MKNK1: variants seen among roughly 807,000 people sequenced by gnomAD.
MKNK1 encodes the protein MAPK interacting serine/threonine kinase 1, also known as MAP kinase-interacting serine/threonine-protein kinase 1.
A neutral mutation model predicts 49.3 loss-of-function variants in MKNK1; 30 were observed. That is an observed-to-expected ratio of 0.61 (90% CI 0.46 to 0.83). The LOEUF (loss-of-function observed/expected upper bound fraction) is 0.83, where lower values mean the gene tolerates loss of function less well. Among genes scored for constraint, MKNK1 ranks in the 40% least tolerant of loss-of-function variants. The pLI, the probability that MKNK1 is intolerant of heterozygous loss-of-function variation, is 0.00. For synonymous variants in MKNK1, 176 were observed against 201.7 expected, an observed-to-expected ratio of 0.87 and a Z score of 1.08; for missense variants, 423 against 524.7, an observed-to-expected ratio of 0.81 and a Z score of 1.89.
At chr1:46,598,452 G>A (rs1386257233) in intron 1 of MKNK1, among the ~76,000 whole-genome samples, 1 of 152,120 alleles carries the variant, frequency 6.6e-6, no homozygotes, top group Non-Finnish European at 1.5e-5. Context: ...CAGGGCAATG[G>A]AAAGAAAGAG....
At chr1:46,573,150 G>A (rs902928136) in intron 6 of MKNK1, among the ~76,000 whole-genome samples, 3 of 152,204 alleles carry the variant, frequency 2.0e-5, no homozygotes, top group Non-Finnish European at 4.4e-5. Flanking sequence ...TGAGCAACTT[G>A]CCCAAGATTA....
chr1:46,598,947 T>C (rs1212216209), intron 1 of MKNK1, among the ~76,000 whole-genome samples: 1 of 152,186 alleles, frequency 6.6e-6, no homozygotes, highest in Non-Finnish European at 1.5e-5. Context: ...ATTATCAGCA[T>C]CTATAAAATG....
At chr1:46,597,963 A>C (rs549661951) in intron 1 of MKNK1, among the ~76,000 whole-genome samples, 13 of 152,378 alleles carry the variant, frequency 8.5e-5, no homozygotes, top group Admixed American at 4.6e-4. Flanking sequence ...GAGGTTAAAG[A>C]GACCAAGGCT....
At chr1:46,586,780 G>A (rs1672634641) in intron 2 of MKNK1, among the ~76,000 whole-genome samples, 1 of 152,050 alleles carries the variant, frequency 6.6e-6, no homozygotes, top group Admixed American at 6.5e-5. Flanking sequence ...TTCGAAAAAG[G>A]GTCTAGGACA....
intron 10 of MKNK1, among the ~76,000 whole-genome samples, chr1:46,562,395 C>CAAA (rs66491559): frequency 2.3e-4 from 8 of 34,352 alleles, no homozygotes; most frequent in Admixed American, 7.8e-4. Context: ...GACTCCATCT[C>CAAA]AAAAAAAAAA....
chr1:46,562,563 C>T, intron 10 of MKNK1, 86 bp downstream of exon 10: 4 of 1,425,450 alleles, frequency 2.8e-6, no homozygotes, highest in Non-Finnish European at 3.7e-6. Context: ...ATCAGGAACG[C>T]TCTCCCAGCC....
At chr1:46,560,353 T>C in intron 11 of MKNK1, 76 bp from the exon 12 acceptor site, 1 of 1,500,086 alleles carries the variant, frequency 6.7e-7, no homozygotes, top group Non-Finnish European at 9.3e-7. Flanking sequence ...AAGCCAGCAG[T>C]GGGTAGGTTA....
At position 46,558,514 on chromosome 1, in the gene MKNK1, C is replaced by G. The variant is rs1423882932; in HGVS notation, c.*61G>C. Reference sequence around the variant, plus strand: ...GCCTGCTCAGCAGACTTTAGCCACACAGGTTTCCAGGGGACAATGCCTGGC... The same window carrying G: ...GCCTGCTCAGCAGACTTTAGCCACAGAGGTTTCCAGGGGACAATGCCTGGC... On this transcript the variant is annotated 3_prime_UTR_variant, in exon 13 of 13. Coordinates refer to ENST00000371945, the MANE Select transcript of MKNK1 (RefSeq NM_001135553.4). 6 of 1,482,144 alleles carry G rather than the reference C, an allele frequency of 4.0e-6. No individual in the cohort carries two copies. In the African/African-American group the frequency reaches 5.6e-5, roughly 14 times the overall value. The allele number at this position is 1,482,144 out of a possible 1,614,324, so 91.8% of individuals were successfully genotyped here.
chr1:46,579,446 C>A (rs1671440873), intron 4 of MKNK1, among the ~76,000 whole-genome samples: 1 of 152,206 alleles, frequency 6.6e-6, no homozygotes, highest in Non-Finnish European at 1.5e-5. Flanking sequence ...CAGACCCTAT[C>A]CTACATCTGG....
intron 2 of MKNK1, among the ~76,000 whole-genome samples, chr1:46,588,732 C>A (rs966194844): frequency 1.3e-5 from 2 of 148,750 alleles, no homozygotes; most frequent in Non-Finnish European, 3.0e-5. Flanking sequence ...GCGTAAACCC[C>A]GGGGGGCGGA....
At chr1:46,580,936 T>C (rs1671638353) in intron 3 of MKNK1, among the ~76,000 whole-genome samples, 2 of 152,068 alleles carry the variant, frequency 1.3e-5, no homozygotes, top group African/African-American at 4.8e-5. Flanking sequence ...AGGAATAAAA[T>C]AAAGGCCAGG....
At chr1:46,590,198 AG>A (rs1313912928) in intron 2 of MKNK1, among the ~76,000 whole-genome samples, 1 of 152,208 alleles carries the variant, frequency 6.6e-6, no homozygotes, top group East Asian at 1.9e-4. Context: ...TCAGGAACTG[AG>A]GGACTGAAAG....
chr1:46,560,548 G>T (rs939329475), intron 11 of MKNK1, among the ~76,000 whole-genome samples: 1 of 152,150 alleles, frequency 6.6e-6, no homozygotes. Context: ...CCAGCTCAAG[G>T]GTCACTTCCC....
At chr1:46,573,199 G>A (rs1400470166) in intron 6 of MKNK1, among the ~76,000 whole-genome samples, 2 of 152,228 alleles carry the variant, frequency 1.3e-5, no homozygotes, top group Non-Finnish European at 2.9e-5. Context: ...TAGGCCCAGG[G>A]CGTCAGTCAG....
At chr1:46,566,832 T>A (rs1669152094) in intron 8 of MKNK1, among the ~76,000 whole-genome samples, 1 of 152,226 alleles carries the variant, frequency 6.6e-6, no homozygotes, top group African/African-American at 2.4e-5. Context: ...TAAATTGGTT[T>A]GTCTTTTTGT....
intron 9 of MKNK1, 107 bp downstream of exon 9, chr1:46,564,934 A>G: frequency 1.9e-6 from 2 of 1,053,946 alleles, no homozygotes; most frequent in Non-Finnish European, 2.9e-6. Flanking sequence ...GGCAGCAGGA[A>G]GATAGGTCCA....
intron 2 of MKNK1, among the ~76,000 whole-genome samples, chr1:46,588,042 A>AT (rs1213349806): frequency 6.6e-6 from 1 of 152,218 alleles, no homozygotes; most frequent in African/African-American, 2.4e-5. Context: ...AAAGGTAAAT[A>AT]TTTTTGCCAT....
At chr1:46,573,253 T>G (rs1221140606) in intron 6 of MKNK1, among the ~76,000 whole-genome samples, 2 of 152,342 alleles carry the variant, frequency 1.3e-5, no homozygotes, top group Non-Finnish European at 1.5e-5. Flanking sequence ...ACTTGTGGTC[T>G]GACTGCTGCA....
Position 46,558,524 on chromosome 1 carries a change from G to A in MKNK1, c.*51C>T. The A allele has an allele frequency of 6.6e-7, 1 of 1,509,560 alleles. No individual in the cohort carries two copies. The allele number at this position is 1,509,560 out of a possible 1,614,324, so 93.5% of individuals were successfully genotyped here. ...CAGACTTTAGCCACACAGGTTTCCA[G>A]GGGACAATGCCTGGCCAGGCCTAGG... is the stretch of plus-strand genomic sequence containing the variant. On this transcript the variant is annotated 3_prime_UTR_variant, in exon 13 of 13. Transcript: ENST00000371945.
Sources: gnomAD v4.1 joint callset for allele counts (sites outside exome capture counted in the v4.1 genomes callset) on GRCh38, gnomAD v4.1.1 for gene constraint, MANE v1.5 for transcripts, NCBI Gene and HGNC (gene_info 2026-07-23, HGNC 2026-07-21) for gene names.